The following MLXIPL variants were observed in gnomAD, a reference collection of about 807,000 sequenced individuals.
The protein encoded by MLXIPL is carbohydrate-responsive element-binding protein.
MLXIPL carries 49 observed loss-of-function variants against 81.5 expected under a neutral mutation model. The ratio of observed to expected loss-of-function variants is 0.60; its 90% confidence interval spans 0.48 to 0.76. The LOEUF is 0.76. Ranked by LOEUF, MLXIPL falls within the 30% of genes least tolerant of loss-of-function variation. The probability of loss-of-function intolerance (pLI) is 0.00; values close to 1 mark genes in which losing one functional copy is unlikely to be tolerated. For synonymous variants in MLXIPL, 466 were observed against 485.5 expected, an observed-to-expected ratio of 0.96 and a Z score of 0.53; for missense variants, 1,053 against 1,167.0, an observed-to-expected ratio of 0.90 and a Z score of 1.42.
At chr7:73,638,976 G>C in the MLXIPL span, among the ~76,000 whole-genome samples, 1 of 151,846 alleles carries the variant, frequency 6.6e-6, no homozygotes, top group East Asian at 1.9e-4. Flanking sequence ...TAAGTAGAGA[G>C]GAGAAAAAAA....
intron 7 of MLXIPL, among the ~76,000 whole-genome samples, chr7:73,603,040 T>G (rs1348634760): frequency 6.6e-6 from 1 of 152,192 alleles, no homozygotes; most frequent in Non-Finnish European, 1.5e-5. Flanking sequence ...TCCACGGACC[T>G]GACCTGTCAT....
At chr7:73,621,040 ACT>A (rs1796313940) in intron 1 of MLXIPL, among the ~76,000 whole-genome samples, 1 of 150,286 alleles carries the variant, frequency 6.7e-6, no homozygotes, top group African/African-American at 2.5e-5. Context: ...ACAGAGTGAG[ACT>A]CTGTCTCCAA....
chr7:73,618,805 G>A (rs782525616), intron 1 of MLXIPL, among the ~76,000 whole-genome samples: 1 of 152,134 alleles, frequency 6.6e-6, no homozygotes, highest in Non-Finnish European at 1.5e-5. Context: ...TGTTGTCCCT[G>A]TCTGTATCCC....
At chr7:73,614,146 G>A (rs565020757) in intron 2 of MLXIPL, among the ~76,000 whole-genome samples, 2 of 152,264 alleles carry the variant, frequency 1.3e-5, no homozygotes, top group East Asian at 3.9e-4. Context: ...AAACCAGGGA[G>A]ACGGAGGTTA....
chr7:73,624,634 G>T (rs1268142618), upstream of MLXIPL: 3 of 1,366,044 alleles, frequency 2.2e-6, no homozygotes, highest in Non-Finnish European at 2.8e-6. Flanking sequence ...GGCGGGGCTT[G>T]TATTAGCATA....
intron 1 of MLXIPL, 23 bp downstream of exon 1, chr7:73,624,177 T>C: frequency 1.1e-6 from 1 of 878,862 alleles, no homozygotes; most frequent in South Asian, 1.5e-5. Context: ...GCCAAGGCCG[T>C]CAGGGCCCGG....
In MLXIPL at chr7:73,596,472, T is replaced by C; in HGVS notation, c.1830A>G (p.Glu610=). The change falls in exon 12 of 17, where the codon GAA becomes GAG. Residue 610 remains glutamate (E), a synonymous_variant. Transcript: ENST00000313375. This position sits in a 1 kb window ranked among gnomAD's most constrained non-coding sequence, Gnocchi z 4.7. Reference sequence around the variant, plus strand: ...AGCTGAGGTCCCCTGACAGCCGCCGTTCACTGCCTGTGGTAGGGACAGACA... The same window carrying C: ...AGCTGAGGTCCCCTGACAGCCGCCGCTCACTGCCTGTGGTAGGGACAGACA... ...RLSPPAPSGS[E]RRLSGDLSSM... 6.2e-7 allele frequency: 1 copy of C among 1,612,760 alleles called. No homozygotes were observed. Among genetic ancestry groups the C allele is most frequent in the Non-Finnish European group, 8.5e-7 (1 of 1,179,944 alleles).
Position 73,599,621 on chromosome 7 carries a change from CG to C in MLXIPL, c.975del (p.Val326TrpfsTer22). 1 of 1,610,804 alleles carries C rather than the reference CG, an allele frequency of 6.2e-7. No individual in the cohort carries two copies. Among genetic ancestry groups the C allele is most frequent in the Non-Finnish European group, 8.5e-7 (1 of 1,178,112 alleles). On this transcript the variant is annotated frameshift_variant, in exon 8 of 17. Transcript: ENST00000313375. LOFTEE classifies it high-confidence loss of function. ...SNFPEPPSFS[P>X]VVDSLFSSGT... ...CCACTGCTGAAGAGGGAGTCAACCA[CG>C]GGGCTGAAGCTGGGGGGCTCTGGGA...
At chr7:73,603,994 T>A (rs60385198) in intron 7 of MLXIPL, among the ~76,000 whole-genome samples, 21,168 of 151,798 alleles carry the variant, frequency 0.14, 1,601 homozygotes, top group African/African-American at 0.17. Context: ...GGTGGGAGGA[T>A]CGCTTGAGGT....
At chr7:73,598,452 T>A (rs1402638532) in intron 8 of MLXIPL, among the ~76,000 whole-genome samples, 1 of 151,964 alleles carries the variant, frequency 6.6e-6, no homozygotes, top group Non-Finnish European at 1.5e-5. Flanking sequence ...AAACTATTCA[T>A]CTATGTATCC....
At chr7:73,624,597 C>A, upstream of MLXIPL, 2 of 1,394,930 alleles carry the variant, frequency 1.4e-6, no homozygotes, top group South Asian at 3.2e-5. Flanking sequence ...CACCATAGGC[C>A]GATCGGGTGG....
chr7:73,618,458 G>T (rs1326934791), intron 1 of MLXIPL, among the ~76,000 whole-genome samples: 5 of 152,094 alleles, frequency 3.3e-5, no homozygotes, highest in Admixed American at 1.3e-4. Flanking sequence ...CCTACATTCT[G>T]GGGGTGAAAT....
In MLXIPL at chr7:73,613,154, C is replaced by G. The variant is rs574365468; in HGVS notation, c.400+2917G>C. 2.0e-4 allele frequency among the ~76,000 whole-genome samples: 30 copies of G among 152,282 alleles called. No homozygotes were observed. The South Asian group carries it at 6.2e-3, about 32-fold the overall frequency. On this transcript the variant is annotated intron_variant, in intron 2 of 16. Coordinates refer to ENST00000313375, the MANE Select transcript of MLXIPL (RefSeq NM_032951.3). ...GTGGCGTCAAGCCAAGTAAGCCCTT[C>G]TCCTCCCCACTCCCGTGAAGCCCAC...
At position 73,624,376 on chromosome 7, in the gene MLXIPL, G is replaced by T. The variant is rs782397409; in HGVS notation, c.117C>A (p.Gly39=). ...SEDPSLRRSA[G]GLLRSQVIHS... The stretch of plus-strand genomic sequence containing the variant: ...GGATGACCTGCGAGCGGAGCAAGCC[G>T]CCCGCGCTGCGCCGGAGACTCGGGT... Residue 39 remains glycine, a synonymous_variant, in exon 1 of 17, where the codon GGC becomes GGA. Coordinates refer to ENST00000313375, the MANE Select transcript of MLXIPL (RefSeq NM_032951.3). The T allele has an allele frequency of 3.2e-6, 5 of 1,572,584 alleles. No homozygotes were observed. The highest frequency in any genetic ancestry group is 3.7e-5 in the Admixed American group (2 of 54,726).
intron 2 of MLXIPL, among the ~76,000 whole-genome samples, chr7:73,608,688 T>A (rs1413128419): frequency 1.3e-5 from 2 of 152,188 alleles, no homozygotes; most frequent in Non-Finnish European, 2.9e-5. Context: ...CCACTTTCAT[T>A]GCAGAGAACC....
In MLXIPL at chr7:73,593,690, C is replaced by T. The variant is rs534241524; in HGVS notation, c.*175G>A. On this transcript the variant is annotated 3_prime_UTR_variant, in exon 17 of 17. Transcript: ENST00000313375. ...GCAGAGCAGGGACGGGGACTCTGCT[C>T]TTCTTGACCTCCAGGAGGTGGCAAG... 1.2e-4 allele frequency: 80 copies of T among 642,082 alleles called. No individual in the cohort carries two copies. The highest frequency in any genetic ancestry group is 1.2e-3 in the African/African-American group (68 of 55,828). 39.8% of individuals were successfully genotyped at this position (642,082 alleles called of 1,614,324 possible).
chr7:73,606,745 T>C (rs1554598272), intron 5 of MLXIPL: 2 of 553,626 alleles, frequency 3.6e-6, no homozygotes, highest in Non-Finnish European at 6.6e-6. Context: ...TGTTCTCCCA[T>C]GCCTCCCACC....
chr7:73,602,352 C>T (rs1261368975), intron 7 of MLXIPL, among the ~76,000 whole-genome samples: 9 of 151,116 alleles, frequency 6.0e-5, no homozygotes, highest in African/African-American at 1.9e-4. Flanking sequence ...GCTGGGATTA[C>T]AGGCCCCCCT....
chr7:73,641,985 C>T, the MLXIPL span, among the ~76,000 whole-genome samples: 1 of 152,242 alleles, frequency 6.6e-6, no homozygotes, highest in African/African-American at 2.4e-5. Flanking sequence ...AAGTTATGGG[C>T]TTATTCCCAC....
Sources: allele counts gnomAD v4.1 joint callset (sites outside exome capture counted in the v4.1 genomes callset), GRCh38; gene constraint gnomAD v4.1.1; non-coding constraint Gnocchi (gnomAD v3.1); transcripts MANE v1.5; gene names NCBI Gene and HGNC (gene_info 2026-07-23, HGNC 2026-07-21).